Variants in HTT observed in about 807,000 individuals in gnomAD.
The protein encoded by HTT is huntingtin.
In HTT, 104 loss-of-function variants were observed where a neutral mutation model predicts 362.3. The ratio of observed to expected loss-of-function variants is 0.29; its 90% CI spans 0.24 to 0.34. The LOEUF (loss-of-function observed/expected upper bound fraction) is 0.34, where lower values mean the gene tolerates loss of function less well. Ranked by LOEUF, HTT falls within the 10% of genes least tolerant of loss-of-function variation. The probability of loss-of-function intolerance (pLI) is 1.00; values close to 1 mark genes in which losing one functional copy is unlikely to be tolerated. For synonymous variants in HTT, 1,577 were observed against 1,548.7 expected (o/e 1.02, Z -0.43); for missense variants, 3,301 against 3,928.6 (o/e 0.84, Z 4.27).
intron 29 of HTT, among the ~76,000 whole-genome samples, chr4:3,171,940 A>G (rs921425071): frequency 2.0e-5 from 3 of 152,224 alleles, no homozygotes; most frequent in African/African-American, 2.4e-5. Context: ...ACATTGCTGT[A>G]TCATAGTTGT....
chr4:3,229,685 C>T (rs1578611303), intron 59 of HTT, among the ~76,000 whole-genome samples: 1 of 152,212 alleles, frequency 6.6e-6, no homozygotes, highest in East Asian at 1.9e-4. Context: ...ACCATACACA[C>T]ACCATACATG....
rs900854724 is a variant in HTT, at chr4:3,218,477, A to G, written c.7242+525A>G. Among the ~76,000 whole-genome samples, 8 of 152,124 alleles carry G rather than the reference A, an allele frequency of 5.3e-5. No homozygotes were observed. Among genetic ancestry groups the G allele is most frequent in the Non-Finnish European group, 8.8e-5 (6 of 68,018 alleles). On this transcript the variant is annotated intron_variant, in intron 52 of 66. Transcript: ENST00000355072. The surrounding 1 kb of genome is among the most constrained non-coding windows in gnomAD (Gnocchi z 4.4). ...GTGAAACCCCATCTCTACTAAAAAT[A>G]TAAAAATTAGCCAGGTGTGGTGGTG...
chr4:3,074,791 C>A lies in HTT; in HGVS notation c.-35C>A. On this transcript the variant is annotated 5_prime_UTR_variant, in exon 1 of 67. Coordinates refer to ENST00000355072, the MANE Select transcript of HTT (RefSeq NM_001388492.1). ...AGCGGCGCCGCGAGTCGGCCCGAGG[C>A]CTCCGGGGACTGCCGTGCCGGGCGG... The A allele has an allele frequency of 2.7e-6, 4 of 1,508,312 alleles. No individual in the cohort carries two copies. The highest frequency in any genetic ancestry group is 1.2e-5 in the South Asian group (1 of 81,886). 93.4% of individuals were successfully genotyped at this position (1,508,312 alleles called of 1,614,324 possible).
chr4:3,163,006 T>C (rs1717520050), intron 29 of HTT, among the ~76,000 whole-genome samples: 1 of 152,214 alleles, frequency 6.6e-6, no homozygotes, highest in East Asian at 1.9e-4. Context: ...CTTGTGCCGG[T>C]TTTCGAAGGG....
rs1284527592 is a variant in HTT at position 3,212,718 on chromosome 4, C to T, written c.6774+9C>T. The T allele has an allele frequency of 6.2e-7, 1 of 1,614,076 alleles. No individual in the cohort carries two copies. The highest frequency in any genetic ancestry group is 1.1e-5 in the South Asian group (1 of 91,074). On this transcript the variant is annotated intron_variant, in intron 49 of 66. Coordinates refer to ENST00000355072, the MANE Select transcript of HTT (RefSeq NM_001388492.1). ...TGGTGGCAACCCTTGAGGTAAGAGG[C>T]AGCTCGGGAGCTCAGTGTTGCTGTG...
chr4:3,182,509 T>TGGTA (rs1173581685), intron 37 of HTT, 39 bp downstream of exon 37: 1 of 1,318,214 alleles, frequency 7.6e-7, no homozygotes, highest in Admixed American at 1.7e-5. Context: ...TGCATAGTGA[T>TGGTA]GGTAGCTTAA....
At chr4:3,151,503 A>G (rs576161701) in intron 26 of HTT, among the ~76,000 whole-genome samples, 26 of 152,232 alleles carry the variant, frequency 1.7e-4, no homozygotes, top group African/African-American at 5.8e-4. Flanking sequence ...CCATGATCCA[A>G]TCACCTCCCA....
In HTT at chr4:3,241,138, C is replaced by T. The variant is rs1057343929; in HGVS notation, c.*1079C>T. 10 of 152,550 alleles carry T rather than the reference C, an allele frequency of 6.6e-5. No individual in the cohort carries two copies. The highest frequency in any genetic ancestry group is 2.2e-4 in the African/African-American group (9 of 41,572). The allele number at this position is 152,550 out of a possible 1,614,324, so 9.4% of individuals were successfully genotyped here. ...CTGGCAGGTGTTGGGACCTGCTGCT[C>T]CATGGATGCATGCCCTAAGAGTGTC... On this transcript the variant is annotated 3_prime_UTR_variant, in exon 67 of 67. Coordinates refer to ENST00000355072, the MANE Select transcript of HTT (RefSeq NM_001388492.1).
chr4:3,164,423 C>G (rs900319396), intron 29 of HTT, among the ~76,000 whole-genome samples: 3 of 152,196 alleles, frequency 2.0e-5, no homozygotes, highest in East Asian at 1.9e-4. Flanking sequence ...GTGCAGAGTT[C>G]TGTAGATGTC....
At chr4:3,135,854 G>A (rs1716040442) in intron 19 of HTT, 50 bp from the exon 20 acceptor site, 1 of 1,481,606 alleles carries the variant, frequency 6.7e-7, no homozygotes, top group East Asian at 2.3e-5. Context: ...GGCGGTAAGT[G>A]TTTACTGAGT....
intron 2 of HTT, among the ~76,000 whole-genome samples, chr4:3,091,417 T>C (rs549734947): frequency 6.6e-6 from 1 of 152,264 alleles, no homozygotes; most frequent in East Asian, 1.9e-4. Flanking sequence ...GTAATCTTAG[T>C]TTGAGGAAGG....
chr4:3,162,752 T>A (rs1717508455), intron 29 of HTT, among the ~76,000 whole-genome samples: 1 of 152,246 alleles, frequency 6.6e-6, no homozygotes, highest in Non-Finnish European at 1.5e-5. Flanking sequence ...ATAGGAATGC[T>A]TGTGATTTTT....
At position 3,206,715 on chromosome 4, in the gene HTT, T is replaced by C. The variant is rs1719871682; in HGVS notation, c.5898+40T>C. ...TGCCGACTATTGCCAGTTGCAGTTT[T>C]CCCTGCCTTAAAAATGGAGTATTGA... On this transcript the variant is annotated intron_variant, in intron 43 of 66. Transcript: ENST00000355072. This position sits in a 1 kb window ranked among gnomAD's most constrained non-coding sequence, Gnocchi z 4.6. 2 of 1,595,622 alleles carry C rather than the reference T, an allele frequency of 1.3e-6. No homozygotes were observed. Among genetic ancestry groups the C allele is most frequent in the African/African-American group, 2.7e-5 (2 of 74,392 alleles).
chr4:3,157,728 T>C (rs1717219495), intron 28 of HTT, among the ~76,000 whole-genome samples: 1 of 152,216 alleles, frequency 6.6e-6, no homozygotes, highest in South Asian at 2.1e-4. Flanking sequence ...AGAGCCAGCC[T>C]TTCTGTCTAG....
intron 14 of HTT, 118 bp from the exon 15 acceptor site, chr4:3,131,168 C>T (rs1287632863): frequency 1.2e-5 from 9 of 743,006 alleles, no homozygotes; most frequent in African/African-American, 1.2e-4. Context: ...CAAACCAGGG[C>T]ATCTCTTTAT....
intron 41 of HTT, among the ~76,000 whole-genome samples, chr4:3,201,327 G>A (rs777654826): frequency 1.1e-4 from 16 of 152,128 alleles, no homozygotes; most frequent in Non-Finnish European, 2.4e-4. Flanking sequence ...CCAGGACTTC[G>A]AGACCAGCCT....
chr4:3,166,403 A>G (rs1302409142), intron 29 of HTT, among the ~76,000 whole-genome samples: 1 of 152,170 alleles, frequency 6.6e-6, no homozygotes, highest in Non-Finnish European at 1.5e-5. Flanking sequence ...CAGTCTGTTC[A>G]TTATCGGAGC....
At chr4:3,105,225 A>G (rs755449307) in intron 4 of HTT, 132 bp from the exon 5 acceptor site, 2 of 634,896 alleles carry the variant, frequency 3.2e-6, no homozygotes, top group Non-Finnish European at 5.7e-6. Flanking sequence ...TAGTTACCAG[A>G]TGTTTTATGC....
chr4:3,082,683 C>A (rs1712978427), intron 1 of HTT, among the ~76,000 whole-genome samples: 1 of 152,136 alleles, frequency 6.6e-6, no homozygotes, highest in Non-Finnish European at 1.5e-5. Flanking sequence ...TTAGACCTTA[C>A]CTTTGTTGTT....
Sources: gnomAD v4.1 joint callset for allele counts (sites outside exome capture counted in the v4.1 genomes callset) on GRCh38, gnomAD v4.1.1 for gene constraint, Gnocchi (gnomAD v3.1) non-coding constraint, MANE v1.5 for transcripts, NCBI Gene and HGNC (gene_info 2026-07-23, HGNC 2026-07-21) for gene names.